The following SUPT3H variants were observed in gnomAD, a reference collection of about 807,000 sequenced individuals.
SUPT3H encodes transcription initiation protein SPT3 homolog.
SUPT3H carries 44 observed loss-of-function variants against 44.3 expected under a neutral mutation model. The ratio of observed to expected loss-of-function variants is 0.99; its 90% CI spans 0.78 to 1.28. SUPT3H has a LOEUF of 1.28. Ranked by LOEUF, SUPT3H falls within the 50% of genes most tolerant of loss-of-function variation. SUPT3H has a pLI of 0.00. For synonymous variants in SUPT3H, 124 were observed against 125.6 expected, an observed-to-expected ratio of 0.99 and a Z score of 0.09; for missense variants, 380 against 387.1, an observed-to-expected ratio of 0.98 and a Z score of 0.15.
intron 2 of SUPT3H, among the ~76,000 whole-genome samples, chr6:45,171,686 G>A (rs577473842): frequency 9.6e-5 from 14 of 145,254 alleles, no homozygotes; most frequent in African/African-American, 3.3e-4. Context: ...TTCCCTTCTG[G>A]TAAGGCATTA....
chr6:44,836,387 C>A (rs1769896884), intron 10 of SUPT3H, among the ~76,000 whole-genome samples: 1 of 152,078 alleles, frequency 6.6e-6, no homozygotes, highest in South Asian at 2.1e-4. Context: ...GAAGCAGAGC[C>A]CTGATTTAAC....
chr6:45,251,364 A>C (rs1772342319), intron 2 of SUPT3H, among the ~76,000 whole-genome samples: 1 of 150,652 alleles, frequency 6.6e-6, no homozygotes, highest in African/African-American at 2.5e-5. Context: ...CTCTTCTTTA[A>C]ACTTATTCTA....
At position 45,226,837 on chromosome 6, in the gene SUPT3H, T is replaced by C. The variant is rs188990951; in HGVS notation, c.102-120831A>G. On this transcript the variant is annotated intron_variant, in intron 2 of 10. Coordinates refer to ENST00000371459, the MANE Select transcript of SUPT3H (RefSeq NM_003599.4). ...AGCCACTGCGCCTGGCCAACAAAAA[T>C]ATTTTAAAAAAACTACATGTACTCT... is the stretch of plus-strand genomic sequence containing the variant. Among the ~76,000 whole-genome samples the C allele has an allele frequency of 8.6e-5, 13 of 151,814 alleles. No homozygotes were observed. In the East Asian group the frequency reaches 2.5e-3, roughly 30 times the overall value.
chr6:44,866,597 T>C (rs1200052921), intron 10 of SUPT3H, among the ~76,000 whole-genome samples: 3 of 152,220 alleles, frequency 2.0e-5, no homozygotes, highest in Admixed American at 1.3e-4. Context: ...CAACTCCTTT[T>C]AGGCTTTACT....
chr6:44,905,420 T>C (rs1765847012), intron 10 of SUPT3H, among the ~76,000 whole-genome samples: 1 of 118,796 alleles, frequency 8.4e-6, no homozygotes, highest in African/African-American at 2.9e-5. Context: ...CATGAAAAAA[T>C]GCTCATCATC....
chr6:45,161,764 C>A (rs1238397883), intron 2 of SUPT3H, among the ~76,000 whole-genome samples: 1 of 152,148 alleles, frequency 6.6e-6, no homozygotes, highest in Non-Finnish European at 1.5e-5. Context: ...CTATATTATT[C>A]TTCTCTCGAA....
At chr6:45,190,127 C>A (rs1413917758) in intron 2 of SUPT3H, among the ~76,000 whole-genome samples, 1 of 152,060 alleles carries the variant, frequency 6.6e-6, no homozygotes, top group Non-Finnish European at 1.5e-5. Context: ...AATTAGGTTT[C>A]TTTACTATAA....
intron 10 of SUPT3H, among the ~76,000 whole-genome samples, chr6:44,928,904 AG>A (rs67293354): frequency 0.011 from 890 of 80,750 alleles, 89 homozygotes; most frequent in East Asian, 0.028. Flanking sequence ...AAAAAAAAAA[AG>A]AAAAGAAAAG....
At chr6:45,243,956 A>G (rs1384892198) in intron 2 of SUPT3H, among the ~76,000 whole-genome samples, 2 of 152,162 alleles carry the variant, frequency 1.3e-5, no homozygotes, top group African/African-American at 4.8e-5. Context: ...ATCATGGCTC[A>G]CTGCAGCCTC....
intron 3 of SUPT3H, among the ~76,000 whole-genome samples, chr6:45,033,562 T>C (rs183107854): frequency 1.6e-3 from 247 of 152,326 alleles, no homozygotes; most frequent in African/African-American, 5.6e-3. Context: ...ATTGTACAGA[T>C]ATTATGACTA....
chr6:45,170,199 G>A (rs1165962835), intron 2 of SUPT3H, among the ~76,000 whole-genome samples: 1 of 152,282 alleles, frequency 6.6e-6, no homozygotes, highest in East Asian at 1.9e-4. Flanking sequence ...TTACAGAGAT[G>A]TTATTATCGT....
intron 9 of SUPT3H, among the ~76,000 whole-genome samples, chr6:44,944,762 CAAAAAAAAAA>C (rs57506313): frequency 3.3e-5 from 1 of 29,892 alleles, no homozygotes; most frequent in South Asian, 1.1e-3. Flanking sequence ...ACCCTCTCTC[CAAAAAAAAAA>C]AAAAAAAAAA....
chr6:45,243,850 C>G, intron 2 of SUPT3H, among the ~76,000 whole-genome samples: 1 of 151,966 alleles, frequency 6.6e-6, no homozygotes, highest in Admixed American at 6.6e-5. Flanking sequence ...TACAATATAC[C>G]CGATCTGTTT....
intron 6 of SUPT3H, among the ~76,000 whole-genome samples, chr6:44,971,466 C>A (rs9463055): frequency 3.3e-5 from 5 of 151,984 alleles, no homozygotes; most frequent in East Asian, 1.9e-4. Context: ...TCCTTCTTCA[C>A]GTGATGGCAG....
intron 2 of SUPT3H, among the ~76,000 whole-genome samples, chr6:45,239,473 ATGG>A (rs1287375452): frequency 6.6e-6 from 1 of 152,232 alleles, no homozygotes; most frequent in Non-Finnish European, 1.5e-5. Context: ...AACTTGCCAA[ATGG>A]TGCATTCCTC....
chr6:44,867,938 C>A (rs1002954995), intron 10 of SUPT3H, among the ~76,000 whole-genome samples: 14 of 150,692 alleles, frequency 9.3e-5, no homozygotes, highest in African/African-American at 3.4e-4. Context: ...TTCTATCCCC[C>A]ATCCCTACCT....
chr6:45,023,826 G>T (rs1251001527), intron 3 of SUPT3H, among the ~76,000 whole-genome samples: 1 of 152,096 alleles, frequency 6.6e-6, no homozygotes, highest in African/African-American at 2.4e-5. Context: ...CCTGGGTGAT[G>T]AAATAATCTG....
chr6:44,921,547 A>T (rs1163011662), intron 10 of SUPT3H, among the ~76,000 whole-genome samples: 2 of 152,226 alleles, frequency 1.3e-5, no homozygotes, highest in African/African-American at 4.8e-5. Flanking sequence ...AGAGAAAAGC[A>T]CAGTGTAGAA....
chr6:45,076,677 G>A (rs1241430868), intron 3 of SUPT3H, among the ~76,000 whole-genome samples: 4 of 152,048 alleles, frequency 2.6e-5, no homozygotes, highest in Non-Finnish European at 5.9e-5. Flanking sequence ...TTAAATTGAC[G>A]CCTTTAATCA....
Sources: allele counts gnomAD v4.1 joint callset (sites outside exome capture counted in the v4.1 genomes callset), GRCh38; gene constraint gnomAD v4.1.1; transcripts MANE v1.5; gene names NCBI Gene and HGNC (gene_info 2026-07-23, HGNC 2026-07-21).